The following TRHDE variants were observed in gnomAD, a reference collection of about 807,000 sequenced individuals.
TRHDE encodes the protein thyrotropin-releasing hormone-degrading ectoenzyme.
TRHDE carries 72 observed loss-of-function variants against 125.7 expected under a neutral mutation model. That is an observed-to-expected ratio of 0.57 (90% CI 0.47 to 0.70). TRHDE has a LOEUF of 0.70. Among genes scored for constraint, TRHDE ranks in the 30% least tolerant of loss-of-function variants. The pLI, the probability that TRHDE is intolerant of heterozygous loss-of-function variation, is 0.00. For synonymous variants in TRHDE, 509 were observed against 509.1 expected, an observed-to-expected ratio of 1.00 and a Z score of 0.00; for missense variants, 1,110 against 1,327.1, an observed-to-expected ratio of 0.84 and a Z score of 2.54.
intron 2 of TRHDE, among the ~76,000 whole-genome samples, chr12:72,218,210 A>G (rs187268207): frequency 3.9e-5 from 6 of 152,262 alleles, no homozygotes; most frequent in African/African-American, 1.4e-4. Context: ...TTTTAAAGGG[A>G]AAATAATAGA....
chr12:72,661,712 T>A (rs1438025902), intron 18 of TRHDE, among the ~76,000 whole-genome samples: 4 of 152,156 alleles, frequency 2.6e-5, no homozygotes, highest in Non-Finnish European at 5.9e-5. Flanking sequence ...GTCTGCAACA[T>A]TAATATTTAT....
intron 5 of TRHDE, among the ~76,000 whole-genome samples, chr12:72,476,900 A>G (rs536668047): frequency 6.6e-6 from 1 of 152,310 alleles, no homozygotes; most frequent in South Asian, 2.1e-4. Context: ...ATTAAGGAAT[A>G]CTACATATGA....
intron 2 of TRHDE, chr12:72,258,041 A>G (rs1317303332): frequency 6.6e-6 from 1 of 152,096 alleles, no homozygotes; most frequent in African/African-American, 2.4e-5. Context: ...GCAGAAGGGT[A>G]AATGTATAGT....
At chr12:72,365,225 T>C (rs1365011666) in intron 2 of TRHDE, among the ~76,000 whole-genome samples, 2 of 152,156 alleles carry the variant, frequency 1.3e-5, no homozygotes, top group South Asian at 4.1e-4. Flanking sequence ...CCCTGTGTGT[T>C]AGGCTTCTGC....
chr12:72,198,791 G>T (rs919344512), intron 2 of TRHDE, among the ~76,000 whole-genome samples: 2 of 152,142 alleles, frequency 1.3e-5, no homozygotes, highest in East Asian at 3.9e-4. Context: ...TTGCAATAAA[G>T]ATACAACCTG....
chr12:72,283,851 C>A (rs1422132514), intron 1 of TRHDE, among the ~76,000 whole-genome samples: 1 of 151,600 alleles, frequency 6.6e-6, no homozygotes, highest in African/African-American at 2.4e-5. Flanking sequence ...GAACTCTTCC[C>A]CTAGTATTAT....
intron 2 of TRHDE, among the ~76,000 whole-genome samples, chr12:72,219,228 T>G (rs183887362): frequency 6.6e-4 from 101 of 152,204 alleles, no homozygotes; most frequent in South Asian, 3.3e-3. Flanking sequence ...TAAACTGATT[T>G]ATCTATCAAT....
At chr12:72,172,940 C>T (rs113071762) in intron 2 of TRHDE, among the ~76,000 whole-genome samples, 3 of 152,226 alleles carry the variant, frequency 2.0e-5, no homozygotes, top group Admixed American at 6.5e-5. Context: ...CCCAAAGGCT[C>T]TGCTGCCCTA....
At chr12:72,284,713 C>G (rs1879816934) in intron 1 of TRHDE, among the ~76,000 whole-genome samples, 1 of 152,174 alleles carries the variant, frequency 6.6e-6, no homozygotes, top group Non-Finnish European at 1.5e-5. Flanking sequence ...TGCAAGTTGT[C>G]TGTGTAACTT....
At chr12:72,255,570 A>C (rs1878795211) in intron 2 of TRHDE, 1 of 152,242 alleles carries the variant, frequency 6.6e-6, no homozygotes, top group African/African-American at 2.4e-5. Context: ...CCACAGGGGC[A>C]GTGTGACTCA....
Position 72,663,277 on chromosome 12 carries a change from C to A in TRHDE, c.*82C>A. On this transcript the variant is annotated 3_prime_UTR_variant, in exon 19 of 19. Coordinates refer to ENST00000261180, the MANE Select transcript of TRHDE (RefSeq NM_013381.3). ...TTTGTGGAATGAGGAAAATGTACTA[C>A]CTAGAAAATGGCCAGATTTTCAGTG... The A allele has an allele frequency of 8.4e-7, 1 of 1,188,698 alleles. No individual in the cohort carries two copies. The highest frequency in any genetic ancestry group is 1.1e-6 in the Non-Finnish European group (1 of 893,330). The allele number at this position is 1,188,698 out of a possible 1,614,324, so 73.6% of individuals were successfully genotyped here.
At chr12:72,543,977 C>A (rs931767754) in intron 7 of TRHDE, among the ~76,000 whole-genome samples, 9 of 151,188 alleles carry the variant, frequency 6.0e-5, no homozygotes, top group Admixed American at 4.6e-4. Flanking sequence ...ATTAAACTTT[C>A]ATTCCAAGCT....
At chr12:72,641,940 T>G (rs1193672319) in intron 15 of TRHDE, among the ~76,000 whole-genome samples, 1 of 152,186 alleles carries the variant, frequency 6.6e-6, no homozygotes, top group East Asian at 1.9e-4. Context: ...GTAGGGTCTT[T>G]GGGAGCTAAA....
At chr12:72,134,298 A>G (rs1021380208) in intron 2 of TRHDE, among the ~76,000 whole-genome samples, 1 of 152,132 alleles carries the variant, frequency 6.6e-6, no homozygotes, top group Non-Finnish European at 1.5e-5. Flanking sequence ...GTGTCCTGAC[A>G]TACCTGCAGA....
At chr12:72,144,444 G>A (rs975357673) in intron 2 of TRHDE, among the ~76,000 whole-genome samples, 5 of 152,212 alleles carry the variant, frequency 3.3e-5, no homozygotes, top group East Asian at 1.9e-4. Flanking sequence ...TAAAGTCATC[G>A]TTTTGCCCAA....
At chr12:72,233,964 A>C (rs941425625) in intron 2 of TRHDE, among the ~76,000 whole-genome samples, 2 of 152,178 alleles carry the variant, frequency 1.3e-5, no homozygotes, top group Non-Finnish European at 1.5e-5. Flanking sequence ...TGTATGCTCA[A>C]TTCTGTGTTG....
intron 2 of TRHDE, among the ~76,000 whole-genome samples, chr12:72,114,683 T>A (rs1279726782): frequency 1.3e-5 from 2 of 152,068 alleles, no homozygotes; most frequent in Non-Finnish European, 2.9e-5. Context: ...AAGGGTCAAC[T>A]GTGTGTGCAG....
intron 2 of TRHDE, chr12:72,167,534 A>T (rs1158248515): frequency 6.6e-6 from 1 of 152,184 alleles, no homozygotes; most frequent in African/African-American, 2.4e-5. Context: ...ATGAATTTTT[A>T]TAGCAAAAGA....
At chr12:72,483,687 G>A (rs554457695) in intron 5 of TRHDE, among the ~76,000 whole-genome samples, 1 of 151,856 alleles carries the variant, frequency 6.6e-6, no homozygotes, top group East Asian at 1.9e-4. Context: ...TTAACTTTCT[G>A]GGCTCTTCGT....
Sources: allele counts gnomAD v4.1 joint callset (sites outside exome capture counted in the v4.1 genomes callset), GRCh38; gene constraint gnomAD v4.1.1; transcripts MANE v1.5; gene names NCBI Gene and HGNC (gene_info 2026-07-23, HGNC 2026-07-21).